SHROOM3: variants seen among roughly 807,000 people sequenced by gnomAD.
SHROOM3 encodes the protein shroom family member 3, also known as protein Shroom3.
Under a neutral mutation model 138.6 loss-of-function variants are expected in SHROOM3, and 47 were observed. The ratio of observed to expected loss-of-function variants is 0.34; its 90% CI spans 0.27 to 0.43. The LOEUF is 0.43. SHROOM3 is among the 20% of genes least tolerant of loss of function. SHROOM3 has a pLI of 1.00. For synonymous variants in SHROOM3, 1,062 were observed against 1,063.3 expected, an observed-to-expected ratio of 1.00 and a Z score of 0.02; for missense variants, 2,491 against 2,596.5, an observed-to-expected ratio of 0.96 and a Z score of 0.88.
rs370559445 is a variant in SHROOM3 at position 76,740,176 on chromosome 4, T to C, written c.2003T>C (p.Ile668Thr). 112 of 1,613,784 alleles carry C rather than the reference T, an allele frequency of 6.9e-5. No homozygotes were observed. The highest frequency in any genetic ancestry group is 9.2e-5 in the Non-Finnish European group (108 of 1,180,034). The change falls in exon 5 of 11, where the codon ATT becomes ACT. Residue 668 changes from isoleucine (I) to threonine (T), a missense_variant. Transcript: ENST00000296043. The surrounding 1 kb of genome is among the most constrained non-coding windows in gnomAD (Gnocchi z 4.0). ...TKSAFSSLQN[I>T]PESLRRHSSL... ...TCAGCCTTCTCATCTCTCCAGAACA[T>C]TCCTGAGAGTCTGAGAAGACACAGC... is the stretch of plus-strand genomic sequence containing the variant.
chr4:76,739,455 A>G lies in SHROOM3; in HGVS notation c.1282A>G (p.Ile428Val), dbSNP rs1375165521. The G allele has an allele frequency of 3.1e-6, 5 of 1,614,148 alleles. No homozygotes were observed. Among genetic ancestry groups the G allele is most frequent in the Middle Eastern group, 1.6e-4 (1 of 6,062 alleles). The change falls in exon 5 of 11, where the codon ATA (isoleucine) becomes GTA (valine). Residue 428 changes from isoleucine (I) to valine (V), a missense_variant. Coordinates refer to ENST00000296043, the MANE Select transcript of SHROOM3 (RefSeq NM_020859.4). ...TTTAGGCTCCCTGAAGTCTCCATTC[A>G]TAGAGGAGCAGCTGCATACTGTGCT... is the stretch of plus-strand genomic sequence containing the variant. ...NSLGSLKSPF[I>V]EEQLHTVLEK... is the part of the protein sequence containing the mutation.
intron 2 of SHROOM3, among the ~76,000 whole-genome samples, chr4:76,654,577 T>C (rs1359945389): frequency 6.6e-6 from 1 of 151,756 alleles, no homozygotes; most frequent in Non-Finnish European, 1.5e-5. Flanking sequence ...AGCACAAGAG[T>C]GAAAGCAGGG....
chr4:76,652,569 C>T (rs1735983026), intron 2 of SHROOM3, among the ~76,000 whole-genome samples: 1 of 152,170 alleles, frequency 6.6e-6, no homozygotes, highest in Non-Finnish European at 1.5e-5. Flanking sequence ...GCCTGTGTCC[C>T]ATATCACAGG....
rs754292324 is a variant in SHROOM3, at chr4:76,739,039, C to G, written c.866C>G (p.Thr289Ser). Reference protein sequence around the residue: ...GRERSGSMDNTSARGGLLEGM... With the variant: ...GRERSGSMDNSSARGGLLEGM... The stretch of plus-strand genomic sequence containing the variant: ...GAGCGTTCAGGCTCCATGGACAATA[C>G]TTCTGCTCGAGGTGGCCTCCTCGAA... The change falls in exon 5 of 11, where the codon ACT becomes AGT. Residue 289 changes from threonine to serine, a missense_variant. By Grantham distance (58) the Thr-to-Ser change is moderately conservative. Transcript: ENST00000296043. The G allele has an allele frequency of 3.1e-6, 5 of 1,614,248 alleles. No individual in the cohort carries two copies. In the South Asian group the frequency reaches 5.5e-5, roughly 18 times the overall value.
chr4:76,565,576 G>A (rs1733704828), intron 2 of SHROOM3, among the ~76,000 whole-genome samples: 1 of 152,080 alleles, frequency 6.6e-6, no homozygotes, highest in South Asian at 2.1e-4. Flanking sequence ...TTGACCTTCT[G>A]GGATCAAGTG....
Position 76,756,439 on chromosome 4 carries a change from TC to T in SHROOM3, c.4710-7del, listed in dbSNP as rs1319519630. 6.5e-7 allele frequency: 1 copy of T among 1,540,376 alleles called. No individual in the cohort carries two copies. Among genetic ancestry groups the T allele is most frequent in the Non-Finnish European group, 8.9e-7 (1 of 1,124,426 alleles). On this transcript the variant is annotated splice_polypyrimidine_tract_variant and intron_variant, in intron 7 of 10. Transcript: ENST00000296043. ...TCTCTTTTTTTTTTTTTTTTAAATA[TC>T]CCTGGCAGCTTCAACAAACTTTCTA...
At position 76,664,423 on chromosome 4, in the gene SHROOM3, T is replaced by C. The variant is rs1718633313; in HGVS notation, c.324-45733T>C. ...GAGTTTATGCAGCCAGAATCTTTCA[T>C]TGATTAATAGTTGTGATTCTCAATC... On this transcript the variant is annotated intron_variant, in intron 2 of 10. Coordinates refer to ENST00000296043, the MANE Select transcript of SHROOM3 (RefSeq NM_020859.4). This position sits in a 1 kb window ranked among gnomAD's most constrained non-coding sequence, Gnocchi z 4.2. Among the ~76,000 whole-genome samples the C allele has an allele frequency of 6.6e-6, 1 of 152,238 alleles. No homozygotes were observed. The highest frequency in any genetic ancestry group is 6.5e-5 in the Admixed American group (1 of 15,286).
intron 2 of SHROOM3, among the ~76,000 whole-genome samples, chr4:76,613,153 C>A (rs781738543): frequency 6.6e-6 from 1 of 152,128 alleles, no homozygotes; most frequent in Non-Finnish European, 1.5e-5. Context: ...GGTGGTTCAG[C>A]GTTCCTCCTC....
chr4:76,451,812 G>A lies in SHROOM3; in HGVS notation c.168+15592G>A, dbSNP rs148023095. Among the ~76,000 whole-genome samples, 891 of 152,262 alleles carry A rather than the reference G, an allele frequency of 5.9e-3. 7 individuals are homozygous for A. Among genetic ancestry groups the A allele is most frequent in the African/African-American group, 0.02 (841 of 41,564 alleles). On this transcript the variant is annotated intron_variant, in intron 1 of 10. Transcript: ENST00000296043. The stretch of plus-strand genomic sequence containing the variant: ...GACCCATTAGATATATAATAATTTA[G>A]TATAGGATGAAAGAAGAATTTTTAA...
chr4:76,480,051 A>G (rs1021355823), intron 1 of SHROOM3, among the ~76,000 whole-genome samples: 3 of 152,246 alleles, frequency 2.0e-5, no homozygotes, highest in Non-Finnish European at 4.4e-5. Flanking sequence ...CGTTGACACT[A>G]TGAAGAAACT....
chr4:76,496,839 C>T lies in SHROOM3; in HGVS notation c.169-58770C>T, dbSNP rs141976201. 4.1e-3 allele frequency among the ~76,000 whole-genome samples: 627 copies of T among 152,170 alleles called. 2 individuals carry two copies. The highest frequency in any genetic ancestry group is 6.0e-3 in the Non-Finnish European group (410 of 68,006). On this transcript the variant is annotated intron_variant, in intron 1 of 10. Transcript: ENST00000296043. ...CTTCTCCCCAGAGTATTTCAGAGTC[C>T]ACTTCTGTATTATATACTCTCAAAG...
intron 1 of SHROOM3, among the ~76,000 whole-genome samples, chr4:76,524,388 A>T (rs1321058663): frequency 6.6e-6 from 1 of 152,204 alleles, no homozygotes; most frequent in African/African-American, 2.4e-5. Context: ...AGAGGGGAAC[A>T]GTGACCAGGC....
At chr4:76,728,609 A>G (rs1039853490) in intron 3 of SHROOM3, among the ~76,000 whole-genome samples, 13 of 152,224 alleles carry the variant, frequency 8.5e-5, no homozygotes, top group Admixed American at 6.5e-4. Flanking sequence ...ACAAATTGTC[A>G]TATGTTGGTT....
intron 10 of SHROOM3, among the ~76,000 whole-genome samples, chr4:76,774,718 TTG>T (rs1305488180): frequency 5.6e-5 from 8 of 144,138 alleles, no homozygotes; most frequent in African/African-American, 1.0e-4. Flanking sequence ...GGTTTTTTTT[TTG>T]TTTTTTTTTT....
At chr4:76,537,938 C>T (rs1345459880) in intron 1 of SHROOM3, among the ~76,000 whole-genome samples, 1 of 152,168 alleles carries the variant, frequency 6.6e-6, no homozygotes, top group African/African-American at 2.4e-5. Flanking sequence ...GACGGAGTCT[C>T]CCTCTGTTGC....
At chr4:76,536,493 C>T (rs1198728542) in intron 1 of SHROOM3, among the ~76,000 whole-genome samples, 6 of 152,106 alleles carry the variant, frequency 3.9e-5, no homozygotes, top group Non-Finnish European at 7.3e-5. Context: ...AAATCTGTGA[C>T]GTAGTGGACC....
In SHROOM3 at chr4:76,538,898, G is replaced by T. The variant is rs80087895; in HGVS notation, c.169-16711G>T. On this transcript the variant is annotated intron_variant, in intron 1 of 10. Coordinates refer to ENST00000296043, the MANE Select transcript of SHROOM3 (RefSeq NM_020859.4). ...CACTAGTATAGTGGAGGGCTGTTCT[G>T]ATCAGTATGCAGCCTTTCCTTGATC... 1.5e-3 allele frequency among the ~76,000 whole-genome samples: 235 copies of T among 152,190 alleles called. 3 individuals carry two copies. The East Asian group carries it at 0.029, about 19-fold the overall frequency.
At chr4:76,551,983 T>C (rs1365406982) in intron 1 of SHROOM3, among the ~76,000 whole-genome samples, 1 of 148,918 alleles carries the variant, frequency 6.7e-6, no homozygotes, top group East Asian at 2.0e-4. Flanking sequence ...TGCCTCAGCC[T>C]CCCGAGTAGC....
At chr4:76,477,145 T>C (rs1337582641) in intron 1 of SHROOM3, among the ~76,000 whole-genome samples, 1 of 152,040 alleles carries the variant, frequency 6.6e-6, no homozygotes, top group Non-Finnish European at 1.5e-5. Flanking sequence ...TTTTTAATAT[T>C]TTTAGTAGAG....
Sources: gnomAD v4.1 joint callset for allele counts (sites outside exome capture counted in the v4.1 genomes callset) on GRCh38, gnomAD v4.1.1 for gene constraint, Gnocchi (gnomAD v3.1) non-coding constraint, MANE v1.5 for transcripts, NCBI Gene and HGNC (gene_info 2026-07-23, HGNC 2026-07-21) for gene names.